KDM4A: variants seen among roughly 807,000 people sequenced by gnomAD.
KDM4A encodes lysine-specific demethylase 4A.
Under a neutral mutation model 127.1 loss-of-function variants are expected in KDM4A, and 23 were observed. That is an observed-to-expected ratio of 0.18 (90% confidence interval 0.13 to 0.26). KDM4A has a LOEUF of 0.26. KDM4A is among the 10% of genes least tolerant of loss of function. The pLI is 1.00. For synonymous variants in KDM4A, 443 were observed against 466.5 expected (o/e 0.95, Z 0.65); for missense variants, 890 against 1,329.1 (o/e 0.67, Z 5.14).
rs1661202411 is a variant in KDM4A at position 43,694,729 on chromosome 1, G to A, written c.2505G>A (p.Lys835=). Residue 835 remains lysine (K), a synonymous_variant, in exon 18 of 22, where the codon AAG becomes AAA. Coordinates refer to ENST00000372396, the MANE Select transcript of KDM4A (RefSeq NM_014663.3). This position sits in a 1 kb window ranked among gnomAD's most constrained non-coding sequence, Gnocchi z 5.2. ...RFKLKCIFCK[K]RRKRTAGCCV... is the part of the protein sequence containing the mutation. ...TACAGAAATGTATCTTCTGTAAGAA[G>A]CGGAGGAAAAGAACTGCTGGCTGCT... is the stretch of plus-strand genomic sequence containing the variant. 1.2e-6 allele frequency: 2 copies of A among 1,612,042 alleles called. No homozygotes were observed. Among genetic ancestry groups the A allele is most frequent in the East Asian group, 4.5e-5 (2 of 44,792 alleles).
chr1:43,652,524 AT>A (rs1025799089), intron 1 of KDM4A, among the ~76,000 whole-genome samples: 1 of 151,404 alleles, frequency 6.6e-6, no homozygotes. Context: ...TTTAAAAAAA[AT>A]TTTTTTTGAG....
rs1660224887 is a variant in KDM4A at position 43,655,857 on chromosome 1, AAC to A, written c.314+93_314+94del. 4 of 1,081,690 alleles carry A rather than the reference AAC, an allele frequency of 3.7e-6. No homozygotes were observed. The South Asian group carries it at 5.3e-5, about 14-fold the overall frequency. The allele number at this position is 1,081,690 out of a possible 1,614,324, so 67.0% of individuals were successfully genotyped here. A position where few individuals can be genotyped will look rare whatever the true frequency, so the allele number is the denominator to read the frequency against. On this transcript the variant is annotated intron_variant, in intron 3 of 21. Transcript: ENST00000372396. ...CTCCAGGACTGCTGCTGTCCTGATGAACAGTGTCTTCAGCAGGATGGCTCTGT... is the reference window on the plus strand; with the variant it reads ...CTCCAGGACTGCTGCTGTCCTGATGAAGTGTCTTCAGCAGGATGGCTCTGT...
chr1:43,690,587 G>C, intron 13 of KDM4A: 1 of 532,850 alleles, frequency 1.9e-6, no homozygotes, highest in Non-Finnish European at 3.4e-6. Context: ...TGGGAAGATT[G>C]AAATCCCAGT....
At chr1:43,699,370 T>TA (rs1343883781) in intron 19 of KDM4A, among the ~76,000 whole-genome samples, 1 of 152,176 alleles carries the variant, frequency 6.6e-6, no homozygotes, top group Non-Finnish European at 1.5e-5. Flanking sequence ...CCACTGGGAT[T>TA]ACAAGAGTTT....
intron 9 of KDM4A, among the ~76,000 whole-genome samples, chr1:43,668,524 TGA>T (rs1383210501): frequency 6.6e-6 from 1 of 152,192 alleles, no homozygotes; most frequent in Non-Finnish European, 1.5e-5. Context: ...ACTTTCTGAA[TGA>T]GAGACCTGTA....
At chr1:43,675,254 C>T (rs1172548281) in intron 11 of KDM4A, among the ~76,000 whole-genome samples, 4 of 152,228 alleles carry the variant, frequency 2.6e-5, no homozygotes, top group African/African-American at 9.6e-5. Context: ...CTTCCCTCTA[C>T]TTTCTAATCA....
At chr1:43,692,581 A>C (rs1661142202) in intron 16 of KDM4A, among the ~76,000 whole-genome samples, 1 of 152,230 alleles carries the variant, frequency 6.6e-6, no homozygotes, top group Non-Finnish European at 1.5e-5. Context: ...ACTCATGAGA[A>C]TATGAAGACG....
chr1:43,660,485 A>G (rs1660347782), intron 4 of KDM4A, 73 bp downstream of exon 4: 1 of 1,527,598 alleles, frequency 6.5e-7, no homozygotes, highest in Non-Finnish European at 8.8e-7. Flanking sequence ...CCCGGCACGT[A>G]GTAGGCACCT....
chr1:43,690,065 T>C (rs182342606), intron 13 of KDM4A, among the ~76,000 whole-genome samples: 11 of 152,362 alleles, frequency 7.2e-5, no homozygotes, highest in South Asian at 4.1e-4. Flanking sequence ...CCAGCAGATA[T>C]TTGCAATCAG....
At chr1:43,672,500 T>C (rs1557910268) in intron 11 of KDM4A, among the ~76,000 whole-genome samples, 3 of 150,002 alleles carry the variant, frequency 2.0e-5, no homozygotes, top group African/African-American at 7.4e-5. Flanking sequence ...TGTTTTTTTT[T>C]CTTTTTTTTT....
At position 43,703,717 on chromosome 1, in the gene KDM4A, A is replaced by T. The variant is rs778228042; in HGVS notation, c.2942A>T (p.His981Leu). Residue 981 changes from histidine (H) to leucine (L), a missense_variant, in exon 20 of 22, where the codon CAC (histidine) becomes CTC (leucine). Around this residue, in one of 7 missense-constraint regions of KDM4A, gnomAD observed 246 missense variants for 418.4 expected, o/e 0.59. Transcript: ENST00000372396. ...QVYGAKFVAS[H>L]PIQMYQVEFE... ...TATGGAGCCAAGTTTGTGGCCTCCC[A>T]CCCTATCCAAATGTACCAGGTATCC... 1 of 1,614,096 alleles carries T rather than the reference A, an allele frequency of 6.2e-7. No individual in the cohort carries two copies. The highest frequency in any genetic ancestry group is 1.7e-5 in the Admixed American group (1 of 60,022).
rs1661183290 is a variant in KDM4A, at chr1:43,694,109, G to A, written c.2484+7G>A. Reference sequence around the variant, plus strand: ...CCTGCCCCGCTTCAAACTGGTAAGGGCTTGTAGACTCTACATAATTTCCCG... The same window carrying A: ...CCTGCCCCGCTTCAAACTGGTAAGGACTTGTAGACTCTACATAATTTCCCG... On this transcript the variant is annotated splice_region_variant and intron_variant, in intron 17 of 21. Coordinates refer to ENST00000372396, the MANE Select transcript of KDM4A (RefSeq NM_014663.3). The surrounding 1 kb of genome is among the most constrained non-coding windows in gnomAD (Gnocchi z 5.2). 1.2e-6 allele frequency: 2 copies of A among 1,601,820 alleles called. No homozygotes were observed. Among genetic ancestry groups the A allele is most frequent in the Admixed American group, 1.7e-5 (1 of 59,908 alleles).
intron 18 of KDM4A, 85 bp from the exon 19 acceptor site, chr1:43,697,758 A>G: frequency 1.6e-6 from 2 of 1,255,534 alleles, no homozygotes; most frequent in East Asian, 2.3e-5. Flanking sequence ...TTTCCCTGAT[A>G]AGGAGGAACT....
chr1:43,694,859 A>G lies in KDM4A; in HGVS notation c.2635A>G (p.Ile879Val). ...TGACGACTGGCCTTTTGTGGTCTTCATTACCTGCTTTCGGCACAAGATTCC... is the reference window on the plus strand; with the variant it reads ...TGACGACTGGCCTTTTGTGGTCTTCGTTACCTGCTTTCGGCACAAGATTCC... ...QPDDWPFVVF[I>V]TCFRHKIPNL... The change falls in exon 18 of 22, where the codon ATT becomes GTT. Residue 879 changes from isoleucine (I) to valine (V), a missense_variant. This residue lies in a region of KDM4A where 246 missense variants were observed against 418.4 expected (regional missense o/e 0.59). Transcript: ENST00000372396. The surrounding 1 kb of genome is among the most constrained non-coding windows in gnomAD (Gnocchi z 5.2). The G allele has an allele frequency of 2.5e-6, 4 of 1,605,250 alleles. No individual in the cohort carries two copies. Among genetic ancestry groups the G allele is most frequent in the Non-Finnish European group, 3.4e-6 (4 of 1,172,428 alleles).
At chr1:43,659,195 G>A (rs1660315618) in intron 3 of KDM4A, among the ~76,000 whole-genome samples, 1 of 152,104 alleles carries the variant, frequency 6.6e-6, no homozygotes, top group Non-Finnish European at 1.5e-5. Flanking sequence ...CGGGAGGTTA[G>A]GGCAGGAGGA....
intron 9 of KDM4A, among the ~76,000 whole-genome samples, 158 bp downstream of exon 9, chr1:43,668,177 G>A (rs1242192396): frequency 7.9e-5 from 12 of 152,170 alleles, no homozygotes; most frequent in African/African-American, 2.9e-4. Flanking sequence ...CCAGGCTGGA[G>A]TGCAGTGGTG....
chr1:43,688,194 G>C lies in KDM4A; in HGVS notation c.1856-720G>C, dbSNP rs1271277783. Among the ~76,000 whole-genome samples, 1 of 152,084 alleles carries C rather than the reference G, an allele frequency of 6.6e-6. No homozygotes were observed. The highest frequency in any genetic ancestry group is 1.5e-5 in the Non-Finnish European group (1 of 68,014). On this transcript the variant is annotated intron_variant, in intron 12 of 21. Coordinates refer to ENST00000372396, the MANE Select transcript of KDM4A (RefSeq NM_014663.3). This position sits in a 1 kb window ranked among gnomAD's most constrained non-coding sequence, Gnocchi z 4.4. The stretch of plus-strand genomic sequence containing the variant: ...GTAAATAGCCACTGTACTCCAGCCT[G>C]GGCAACATAGCAAGACCCCATCATA...
At chr1:43,697,056 A>G (rs1188222485) in intron 18 of KDM4A, among the ~76,000 whole-genome samples, 2 of 152,262 alleles carry the variant, frequency 1.3e-5, no homozygotes, top group Non-Finnish European at 2.9e-5. Context: ...GTAGTAAGGA[A>G]TGACATCAAT....
intron 11 of KDM4A, among the ~76,000 whole-genome samples, chr1:43,675,778 C>T (rs6676215): frequency 0.01 from 1,581 of 152,214 alleles, 12 homozygotes; most frequent in Non-Finnish European, 0.015. Context: ...TTCTTTTAAA[C>T]GCACACACAA....
Sources: allele counts gnomAD v4.1 joint callset (sites outside exome capture counted in the v4.1 genomes callset), GRCh38; gene constraint gnomAD v4.1.1; regional missense constraint gnomAD v4.1.1; non-coding constraint Gnocchi (gnomAD v3.1); transcripts MANE v1.5; gene names NCBI Gene and HGNC (gene_info 2026-07-23, HGNC 2026-07-21).